Variants in ROBO2 observed in about 807,000 individuals in gnomAD.
The protein encoded by ROBO2 is roundabout guidance receptor 2.
A neutral mutation model predicts 160.8 loss-of-function variants in ROBO2; 53 were observed. The ratio of observed to expected loss-of-function variants is 0.33; its 90% CI spans 0.26 to 0.41. The LOEUF is 0.41. Among genes scored for constraint, ROBO2 ranks in the 10% least tolerant of loss-of-function variants. The pLI is 1.00. For missense variants in ROBO2, 1,577 were observed against 1,722.4 expected (o/e 0.92, Z 1.49); for synonymous variants, 664 against 611.7 (o/e 1.09, Z -1.26).
chr3:76,161,736 T>A (rs974872902), intron 2 of ROBO2, among the ~76,000 whole-genome samples: 1 of 152,168 alleles, frequency 6.6e-6, no homozygotes. Flanking sequence ...ATGTTTCCCA[T>A]GGTGTGCTTG....
rs562403125 is a variant in ROBO2 at position 77,608,085 on chromosome 3, C to T, written c.3293+131C>T. 74 of 804,350 alleles carry T rather than the reference C, an allele frequency of 9.2e-5. No homozygotes were observed. In the African/African-American group the frequency reaches 1.1e-3, roughly 12 times the overall value. The allele number at this position is 804,350 out of a possible 1,614,324, so 49.8% of individuals were successfully genotyped here. On this transcript the variant is annotated intron_variant, in intron 21 of 25. Transcript: ENST00000461745. ...ACCACCATGTTCATTGCATTTCCCCCTCTTTCATTGTTTGCACTGTCTATA... is the reference window on the plus strand; with the variant it reads ...ACCACCATGTTCATTGCATTTCCCCTTCTTTCATTGTTTGCACTGTCTATA...
At chr3:76,965,247 A>G (rs558874697) in intron 2 of ROBO2, among the ~76,000 whole-genome samples, 1 of 152,340 alleles carries the variant, frequency 6.6e-6, no homozygotes, top group African/African-American at 2.4e-5. Flanking sequence ...TGCCAGGCAA[A>G]TCCAGATATC....
At chr3:76,630,616 T>C (rs550360301) in intron 2 of ROBO2, among the ~76,000 whole-genome samples, 2 of 150,332 alleles carry the variant, frequency 1.3e-5, no homozygotes, top group Non-Finnish European at 3.0e-5. Context: ...TGGATGATGT[T>C]AGGTGAAAAC....
intron 2 of ROBO2, among the ~76,000 whole-genome samples, chr3:76,001,677 A>G (rs2065892975): frequency 6.6e-6 from 1 of 152,044 alleles, no homozygotes; most frequent in Non-Finnish European, 1.5e-5. Context: ...AATTGGGACT[A>G]CAGGCATTTG....
At chr3:76,926,618 C>G (rs1031731237) in intron 2 of ROBO2, among the ~76,000 whole-genome samples, 38 of 152,202 alleles carry the variant, frequency 2.5e-4, no homozygotes. Context: ...ACCAGATTTA[C>G]TGACTGATTG....
At chr3:77,354,585 A>C (rs1370166164) in intron 2 of ROBO2, among the ~76,000 whole-genome samples, 1 of 152,216 alleles carries the variant, frequency 6.6e-6, no homozygotes, top group African/African-American at 2.4e-5. Context: ...TGAAATGTCC[A>C]TATTTTCATG....
intron 2 of ROBO2, among the ~76,000 whole-genome samples, chr3:77,164,607 A>G (rs1579539620): frequency 1.8e-5 from 2 of 108,584 alleles, no homozygotes; most frequent in African/African-American, 7.3e-5. Flanking sequence ...GGCTGCCCCT[A>G]CTGGGAAGTG....
intron 2 of ROBO2, among the ~76,000 whole-genome samples, chr3:76,698,667 C>G (rs1211697861): frequency 6.6e-6 from 1 of 152,092 alleles, no homozygotes; most frequent in Admixed American, 6.6e-5. Context: ...TATTATAATC[C>G]TGGTCAGATT....
intron 2 of ROBO2, among the ~76,000 whole-genome samples, chr3:76,078,609 C>T (rs1341197882): frequency 1.2e-4 from 18 of 152,094 alleles, no homozygotes; most frequent in Admixed American, 1.0e-3. Flanking sequence ...AAGAGATCCT[C>T]CTTCCTTGGC....
At chr3:77,617,905 AT>A in intron 22 of ROBO2, 132 bp downstream of exon 23, 1 of 931,040 alleles carries the variant, frequency 1.1e-6, no homozygotes, top group Non-Finnish European at 1.6e-6. Context: ...CTCCTTAATC[AT>A]TTAGATAAAT....
chr3:76,535,282 G>A (rs1328282107), intron 2 of ROBO2, among the ~76,000 whole-genome samples: 1 of 152,052 alleles, frequency 6.6e-6, no homozygotes, highest in Non-Finnish European at 1.5e-5. Context: ...TCTGGTTTCT[G>A]GATGGATAGG....
chr3:75,919,067 A>C (rs971965558), intron 1 of ROBO2, among the ~76,000 whole-genome samples: 1 of 152,072 alleles, frequency 6.6e-6, no homozygotes, highest in Non-Finnish European at 1.5e-5. Context: ...AGAACTTCCA[A>C]TACTATGTTG....
chr3:76,745,280 T>C (rs1028452596), intron 2 of ROBO2, among the ~76,000 whole-genome samples: 1 of 152,158 alleles, frequency 6.6e-6, no homozygotes, highest in Non-Finnish European at 1.5e-5. Context: ...AGTTACTATA[T>C]TTCTTCCTCT....
At chr3:76,813,745 C>T (rs943038384) in intron 2 of ROBO2, among the ~76,000 whole-genome samples, 7 of 152,022 alleles carry the variant, frequency 4.6e-5, no homozygotes, top group African/African-American at 1.4e-4. Flanking sequence ...GCATTTTTTT[C>T]AGTCTCCCAA....
In ROBO2 at chr3:77,309,356, T is replaced by A. The variant is rs1368459425; in HGVS notation, c.389-168058T>A. 2.0e-5 allele frequency among the ~76,000 whole-genome samples: 3 copies of A among 152,262 alleles called. No homozygotes were observed. In the East Asian group the frequency reaches 5.8e-4, roughly 29 times the overall value. ...GGAGAAATGCAGCATGTGATACCAATTACAAGAAGAAATGGGAAATATTCT... is the reference window on the plus strand; with the variant it reads ...GGAGAAATGCAGCATGTGATACCAAATACAAGAAGAAATGGGAAATATTCT... On this transcript the variant is annotated intron_variant, in intron 2 of 25. Coordinates refer to ENST00000461745, the Ensembl canonical transcript of ROBO2.
At chr3:76,763,594 C>T (rs925435186) in intron 2 of ROBO2, among the ~76,000 whole-genome samples, 1 of 151,162 alleles carries the variant, frequency 6.6e-6, no homozygotes, top group African/African-American at 2.4e-5. Context: ...ATGTTTCCTC[C>T]TCTTCAAGAC....
intron 2 of ROBO2, among the ~76,000 whole-genome samples, chr3:76,748,660 T>C (rs1444585134): frequency 6.6e-6 from 1 of 151,872 alleles, no homozygotes; most frequent in Non-Finnish European, 1.5e-5. Flanking sequence ...CATTTTTCAC[T>C]TATCTAATTG....
intron 7 of ROBO2, 85 bp downstream of exon 8, chr3:77,546,547 G>A (rs2092705296): frequency 2.0e-6 from 3 of 1,499,400 alleles, no homozygotes; most frequent in African/African-American, 1.4e-5. Context: ...TGCTTCTCTT[G>A]TTCTCAATGT....
At chr3:76,091,072 C>T (rs1158619302) in intron 2 of ROBO2, among the ~76,000 whole-genome samples, 1 of 152,120 alleles carries the variant, frequency 6.6e-6, no homozygotes, top group East Asian at 1.9e-4. Flanking sequence ...AAGGCATGAT[C>T]TATGAAGAAA....
Sources: allele counts gnomAD v4.1 joint callset (sites outside exome capture counted in the v4.1 genomes callset), GRCh38; gene constraint gnomAD v4.1.1; transcripts MANE v1.5; gene names NCBI Gene and HGNC (gene_info 2026-07-23, HGNC 2026-07-21).